SMARCA2: variants seen among roughly 807,000 people sequenced by gnomAD.
SMARCA2 encodes the protein SWI/SNF related BAF chromatin remodeling complex subunit ATPase 2.
Under a neutral mutation model 199.8 loss-of-function variants are expected in SMARCA2, and 61 were observed. That is an observed-to-expected ratio of 0.31 (90% CI 0.25 to 0.38). The LOEUF (loss-of-function observed/expected upper bound fraction) is 0.38, where lower values mean the gene tolerates loss of function less well. Ranked by LOEUF, SMARCA2 falls within the 10% of genes least tolerant of loss-of-function variation. The pLI is 1.00. For synonymous variants in SMARCA2, 935 were observed against 732.0 expected, an observed-to-expected ratio of 1.28 and a Z score of -4.48; for missense variants, 1,344 against 2,012.2, an observed-to-expected ratio of 0.67 and a Z score of 6.35.
intron 8 of SMARCA2, among the ~76,000 whole-genome samples, chr9:2,059,461 C>G (rs1820491471): frequency 1.3e-5 from 2 of 152,162 alleles, no homozygotes; most frequent in African/African-American, 4.8e-5. Flanking sequence ...CGAGAGGTTT[C>G]TGACTAGACC....
At chr9:2,156,997 CA>C (rs1289397082) in intron 27 of SMARCA2, among the ~76,000 whole-genome samples, 1 of 152,274 alleles carries the variant, frequency 6.6e-6, no homozygotes, top group African/African-American at 2.4e-5. Context: ...GTTTTTCTAA[CA>C]GGTTGCTTGT....
chr9:2,188,516 C>T (rs1228409584), intron 32 of SMARCA2, among the ~76,000 whole-genome samples: 1 of 152,172 alleles, frequency 6.6e-6, no homozygotes, highest in East Asian at 1.9e-4. Context: ...TTGAATACAT[C>T]TGCATCATCT....
chr9:2,158,008 T>C, intron 27 of SMARCA2: 1 of 395,932 alleles, frequency 2.5e-6, no homozygotes. Context: ...TGCATGACTG[T>C]CTCCTGCATT....
At chr9:2,162,121 G>A (rs1252711679) in intron 28 of SMARCA2, among the ~76,000 whole-genome samples, 1 of 152,148 alleles carries the variant, frequency 6.6e-6, no homozygotes, top group Admixed American at 6.5e-5. Context: ...TGAAAATTTA[G>A]TTTAGATTAC....
At chr9:2,173,764 GTTTAAC>G in intron 29 of SMARCA2, among the ~76,000 whole-genome samples, 1 of 152,138 alleles carries the variant, frequency 6.6e-6, no homozygotes, top group African/African-American at 2.4e-5. Context: ...AAAGTCAGCT[GTTTAAC>G]TGCTTAACCC....
In SMARCA2 at chr9:2,110,469, A is replaced by G. The variant is rs748659589; in HGVS notation, c.3456+52A>G. ...GGCCTCCCTCTGGAGAGCAACTAAA[A>G]GATGATCAGTTTCATTATTCACATT... On this transcript the variant is annotated intron_variant, in intron 24 of 33. Transcript: ENST00000349721. The surrounding 1 kb of genome is among the most constrained non-coding windows in gnomAD (Gnocchi z 4.8). 2.8e-6 allele frequency: 4 copies of G among 1,409,688 alleles called. No homozygotes were observed. Among genetic ancestry groups the G allele is most frequent in the Middle Eastern group, 2.3e-4 (1 of 4,430 alleles). 87.3% of individuals were successfully genotyped at this position (1,409,688 alleles called of 1,614,324 possible).
intron 4 of SMARCA2, 50 bp from the exon 5 acceptor site, chr9:2,047,179 C>T (rs1819891496): frequency 3.0e-6 from 3 of 1,015,244 alleles, no homozygotes; most frequent in Non-Finnish European, 2.4e-6. Flanking sequence ...CGGGTGTGGC[C>T]CGCGGGGCGC....
At position 2,084,078 on chromosome 9, in the gene SMARCA2, C is replaced by G; in HGVS notation, c.2416-8C>G. ...GGATCATGCATGTATTTTTTTCTTT[C>G]CATTCAGGGTACTCCTGCCATGCGT... is the stretch of plus-strand genomic sequence containing the variant. On this transcript the variant is annotated splice_region_variant and splice_polypyrimidine_tract_variant and intron_variant, in intron 16 of 33. Transcript: ENST00000349721. 6.5e-7 allele frequency: 1 copy of G among 1,548,668 alleles called. No individual in the cohort carries two copies. The highest frequency in any genetic ancestry group is 2.2e-5 in the East Asian group (1 of 44,524).
intron 3 of SMARCA2, among the ~76,000 whole-genome samples, chr9:2,036,017 C>T (rs943714162): frequency 6.6e-6 from 1 of 152,184 alleles, no homozygotes; most frequent in Non-Finnish European, 1.5e-5. Flanking sequence ...GAGCTTTTAA[C>T]TACCTAGCAA....
At chr9:2,097,106 G>C in intron 20 of SMARCA2, 1 of 486,932 alleles carries the variant, frequency 2.1e-6, no homozygotes, top group Non-Finnish European at 3.7e-6. Context: ...GTGTTCCGGA[G>C]TCCTACGGAA....
Position 2,056,890 on chromosome 9 carries a change from G to T in SMARCA2, c.1347+45G>T, listed in dbSNP as rs771946204. The T allele has an allele frequency of 1.7e-5, 27 of 1,569,760 alleles. No homozygotes were observed. In the South Asian group the frequency reaches 2.6e-4, roughly 15 times the overall value. On this transcript the variant is annotated intron_variant, in intron 7 of 33. Transcript: ENST00000349721. The surrounding 1 kb of genome is among the most constrained non-coding windows in gnomAD (Gnocchi z 4.0). Reference sequence around the variant, plus strand: ...TGCTCACCCTCACTTTGGCAGAGCTGTCCAATGAATTCATCAAATGGGGTC... The same window carrying T: ...TGCTCACCCTCACTTTGGCAGAGCTTTCCAATGAATTCATCAAATGGGGTC...
chr9:2,179,895 A>G (rs113439652), intron 29 of SMARCA2, among the ~76,000 whole-genome samples: 65 of 152,316 alleles, frequency 4.3e-4, no homozygotes, highest in African/African-American at 1.5e-3. Context: ...GCTCTCTACA[A>G]ATTACTCTCA....
chr9:2,192,521 ACTT>A, intron 33 of SMARCA2, 180 bp from the exon 34 acceptor site: 1 of 632,850 alleles, frequency 1.6e-6, no homozygotes, highest in Non-Finnish European at 2.8e-6. Context: ...AGTAAGAAAA[ACTT>A]CTCAGCTTAG....
chr9:2,171,069 G>A (rs1358802203), intron 29 of SMARCA2, among the ~76,000 whole-genome samples: 1 of 152,142 alleles, frequency 6.6e-6, no homozygotes, highest in Non-Finnish European at 1.5e-5. Context: ...TTCAACCTCT[G>A]TGTGCCTTTG....
At chr9:2,186,274 C>T in intron 32 of SMARCA2, 46 bp downstream of exon 32, 3 of 1,568,362 alleles carry the variant, frequency 1.9e-6, no homozygotes, top group South Asian at 2.3e-5. Context: ...CCCTCCTCAC[C>T]TGCATAGCTG....
chr9:2,043,242 C>G (rs1253284699), intron 4 of SMARCA2: 3 of 152,248 alleles, frequency 2.0e-5, no homozygotes, highest in African/African-American at 7.2e-5. Context: ...CTCAAAGCTG[C>G]TCCAAACTTA....
chr9:2,141,002 T>C (rs776303483), intron 27 of SMARCA2, among the ~76,000 whole-genome samples: 1 of 152,090 alleles, frequency 6.6e-6, no homozygotes, highest in African/African-American at 2.4e-5. Flanking sequence ...CGGCCTTTGG[T>C]ATTTCACAGG....
intron 4 of SMARCA2, among the ~76,000 whole-genome samples, chr9:2,046,244 G>A (rs150292890): frequency 6.6e-6 from 1 of 152,246 alleles, no homozygotes; most frequent in African/African-American, 2.4e-5. Flanking sequence ...TCATCTAGGA[G>A]AAGAAATGGA....
intron 5 of SMARCA2, among the ~76,000 whole-genome samples, chr9:2,053,120 G>T (rs1820197800): frequency 6.6e-6 from 1 of 151,976 alleles, no homozygotes; most frequent in South Asian, 2.1e-4. Flanking sequence ...CCCTTCCTGC[G>T]CTCCCTCCCT....
Sources: gnomAD v4.1 joint callset for allele counts (sites outside exome capture counted in the v4.1 genomes callset) on GRCh38, gnomAD v4.1.1 for gene constraint, Gnocchi (gnomAD v3.1) non-coding constraint, MANE v1.5 for transcripts, NCBI Gene and HGNC (gene_info 2026-07-23, HGNC 2026-07-21) for gene names.